Variants in EXOSC5 observed in about 807,000 individuals in gnomAD.
EXOSC5 encodes the protein exosome component 5.
In EXOSC5, 15 loss-of-function variants were observed where a neutral mutation model predicts 23.7. That is an observed-to-expected ratio of 0.63 (90% confidence interval 0.42 to 0.97). The LOEUF is 0.97. Ranked by LOEUF, EXOSC5 falls within the 50% of genes least tolerant of loss-of-function variation. The pLI is 0.00. For missense variants in EXOSC5, 305 were observed against 316.3 expected (o/e 0.96, Z 0.27); for synonymous variants, 143 against 140.9 (o/e 1.02, Z -0.11).
chr19:41,397,277 C>G lies in EXOSC5; in HGVS notation c.52G>C (p.Gly18Arg). The part of the protein sequence containing the change: ...DAKIRAENGT[G>R]SSPRGPGCSL... ...CAGCCAGGACCCCGAGGGCTGGACC[C>G]TGTTCCATTTTCAGCACGGATTTTG... The change falls in exon 1 of 6, where the codon GGG becomes CGG. Residue 18 changes from glycine to arginine, a missense_variant. Gly to Arg is a moderately radical substitution (Grantham distance 125). Transcript: ENST00000221233. 1.2e-6 allele frequency: 2 copies of G among 1,614,172 alleles called. No individual in the cohort carries two copies. The highest frequency in any genetic ancestry group is 1.3e-5 in the African/African-American group (1 of 75,072).
chr19:41,394,642 A>G (rs1007239874), intron 1 of EXOSC5, among the ~76,000 whole-genome samples: 4 of 152,082 alleles, frequency 2.6e-5, no homozygotes, highest in African/African-American at 9.7e-5. Flanking sequence ...CTCAACCTCC[A>G]GAGTAGCTGA....
chr19:41,386,391 A>C lies in EXOSC5; in HGVS notation c.*242T>G. Reference sequence around the variant, plus strand: ...GACATTTGTTAAAGTGAATTAATTTATTGATTCATCCATTCCATAAATGTG... The same window carrying C: ...GACATTTGTTAAAGTGAATTAATTTCTTGATTCATCCATTCCATAAATGTG... On this transcript the variant is annotated 3_prime_UTR_variant, in exon 6 of 6. Coordinates refer to ENST00000221233, the MANE Select transcript of EXOSC5 (RefSeq NM_020158.4). 1 of 472,962 alleles carries C rather than the reference A, an allele frequency of 2.1e-6. No homozygotes were observed. The highest frequency in any genetic ancestry group is 3.8e-6 in the Non-Finnish European group (1 of 263,950). The allele number at this position is 472,962 out of a possible 1,614,324, so 29.3% of individuals were successfully genotyped here.
chr19:41,392,472 G>A (rs533009841), intron 2 of EXOSC5, among the ~76,000 whole-genome samples: 1 of 151,892 alleles, frequency 6.6e-6, no homozygotes, highest in Admixed American at 6.6e-5. Context: ...TAATCCCAGC[G>A]ACTCGGGAGG....
At chr19:41,394,862 G>A (rs1052087630) in intron 1 of EXOSC5, among the ~76,000 whole-genome samples, 17 of 151,992 alleles carry the variant, frequency 1.1e-4, no homozygotes, top group East Asian at 2.0e-4. Context: ...GTGAAACCCC[G>A]TCTCTACTAA....
Position 41,386,580 on chromosome 19 carries a change from G to C in EXOSC5, c.*53C>G. The stretch of plus-strand genomic sequence containing the variant: ...CTGGGCTGCTGGTTTGCTTCAGGCT[G>C]TAGGGGGTGAGTGGGTGGAGGCAAT... On this transcript the variant is annotated 3_prime_UTR_variant, in exon 6 of 6. Coordinates refer to ENST00000221233, the MANE Select transcript of EXOSC5 (RefSeq NM_020158.4). 1 of 1,527,466 alleles carries C rather than the reference G, an allele frequency of 6.5e-7. No individual in the cohort carries two copies. The highest frequency in any genetic ancestry group is 8.9e-7 in the Non-Finnish European group (1 of 1,128,148). The allele number at this position is 1,527,466 out of a possible 1,614,324, so 94.6% of individuals were successfully genotyped here.
At chr19:41,395,974 T>C (rs1320280687) in intron 1 of EXOSC5, among the ~76,000 whole-genome samples, 2 of 152,184 alleles carry the variant, frequency 1.3e-5, no homozygotes, top group African/African-American at 4.8e-5. Context: ...GTTTTGTCCG[T>C]ATTACTTTCA....
At chr19:41,386,756 G>T in intron 5 of EXOSC5, 31 bp from the exon 6 acceptor site, 1 of 1,545,684 alleles carries the variant, frequency 6.5e-7, no homozygotes. Flanking sequence ...GGTGCTGGGG[G>T]CCGAGCCCTT....
intron 1 of EXOSC5, 121 bp downstream of exon 1, chr19:41,397,060 A>T: frequency 1.7e-6 from 2 of 1,172,602 alleles, no homozygotes; most frequent in Non-Finnish European, 2.4e-6. Flanking sequence ...TCAATCGGAC[A>T]AGAAATCATG....
At chr19:41,396,399 AG>A (rs2039064520) in intron 1 of EXOSC5, among the ~76,000 whole-genome samples, 1 of 152,038 alleles carries the variant, frequency 6.6e-6, no homozygotes, top group Admixed American at 6.6e-5. Flanking sequence ...TAGTAGAGAC[AG>A]GGTTTCGCCA....
intron 3 of EXOSC5, among the ~76,000 whole-genome samples, chr19:41,390,741 T>C (rs2039017504): frequency 8.7e-6 from 1 of 114,960 alleles, no homozygotes; most frequent in Non-Finnish European, 2.0e-5. Flanking sequence ...ATGTGTTTCT[T>C]CTCCAGGCCT....
chr19:41,388,529 G>A (rs1281186764), intron 4 of EXOSC5, among the ~76,000 whole-genome samples: 1 of 152,212 alleles, frequency 6.6e-6, no homozygotes, highest in Non-Finnish European at 1.5e-5. Context: ...TCTCCAACAC[G>A]ACAGAACAGG....
chr19:41,396,213 A>ATT (rs555938662), intron 1 of EXOSC5, among the ~76,000 whole-genome samples: 4,580 of 145,404 alleles, frequency 0.031, 218 homozygotes, highest in African/African-American at 0.11. Context: ...CGCTGTCTCA[A>ATT]TTTTTTTTTT....
intron 1 of EXOSC5, among the ~76,000 whole-genome samples, chr19:41,394,866 C>G (rs1267060524): frequency 6.6e-6 from 1 of 151,950 alleles, no homozygotes; most frequent in African/African-American, 2.4e-5. Flanking sequence ...AACCCCGTCT[C>G]TACTAAAAAC....
At chr19:41,392,188 G>C in intron 2 of EXOSC5, 1 of 579,434 alleles carries the variant, frequency 1.7e-6, no homozygotes, top group East Asian at 3.5e-5. Flanking sequence ...AAGGGAAGAA[G>C]ACCTGGGAGT....
At chr19:41,390,679 A>C (rs1183897763) in intron 3 of EXOSC5, among the ~76,000 whole-genome samples, 2 of 152,184 alleles carry the variant, frequency 1.3e-5, no homozygotes, top group African/African-American at 4.8e-5. Flanking sequence ...GGAAGCTCAC[A>C]GTGGAAAGAG....
At position 41,396,960 on chromosome 19, in the gene EXOSC5, C is replaced by A. The variant is rs949459950; in HGVS notation, c.148+221G>T. On this transcript the variant is annotated intron_variant, in intron 1 of 5. Transcript: ENST00000221233. Reference sequence around the variant, plus strand: ...TGGGCGGACAGTCTGCCCCTCCTCTCATTCTCAGAGATAGTTACAAAGATG... The same window carrying A: ...TGGGCGGACAGTCTGCCCCTCCTCTAATTCTCAGAGATAGTTACAAAGATG... Among the ~76,000 whole-genome samples, 6 of 152,098 alleles carry A rather than the reference C, an allele frequency of 3.9e-5. No homozygotes were observed. In the East Asian group the frequency reaches 1.2e-3, roughly 29 times the overall value.
At chr19:41,392,753 G>A in intron 2 of EXOSC5, 114 bp downstream of exon 2, 1 of 771,642 alleles carries the variant, frequency 1.3e-6, no homozygotes, top group Non-Finnish European at 2.2e-6. Flanking sequence ...GACAGAAACA[G>A]CTGAGTGGAG....
chr19:41,386,588 T>C lies in EXOSC5; in HGVS notation c.*45A>G. The C allele has an allele frequency of 6.5e-7, 1 of 1,536,034 alleles. No individual in the cohort carries two copies. Among genetic ancestry groups the C allele is most frequent in the East Asian group, 2.4e-5 (1 of 40,968 alleles). Reference sequence around the variant, plus strand: ...CTGGTTTGCTTCAGGCTGTAGGGGGTGAGTGGGTGGAGGCAATGGGAGCGG... The same window carrying C: ...CTGGTTTGCTTCAGGCTGTAGGGGGCGAGTGGGTGGAGGCAATGGGAGCGG... On this transcript the variant is annotated 3_prime_UTR_variant, in exon 6 of 6. Coordinates refer to ENST00000221233, the MANE Select transcript of EXOSC5 (RefSeq NM_020158.4).
At chr19:41,388,465 G>A (rs775108385) in intron 4 of EXOSC5, among the ~76,000 whole-genome samples, 11 of 152,206 alleles carry the variant, frequency 7.2e-5, no homozygotes, top group Admixed American at 2.0e-4. Flanking sequence ...GGACCTCAGT[G>A]GCCAGGGCAG....
Sources: allele counts gnomAD v4.1 joint callset (sites outside exome capture counted in the v4.1 genomes callset), GRCh38; gene constraint gnomAD v4.1.1; transcripts MANE v1.5; gene names NCBI Gene and HGNC (gene_info 2026-07-23, HGNC 2026-07-21).